The following SNAP23 variants were observed in gnomAD, a reference collection of about 807,000 sequenced individuals.
The protein encoded by SNAP23 is synaptosome associated protein 23, also known as synaptosomal-associated protein 23.
SNAP23 carries 11 observed loss-of-function variants against 29.0 expected under a neutral mutation model. The observed-to-expected ratio is 0.38, with a 90% CI of 0.24 to 0.63. The LOEUF is 0.63. SNAP23 is among the 20% of genes least tolerant of loss of function. The pLI, the probability that SNAP23 is intolerant of heterozygous loss-of-function variation, is 0.58. For missense variants in SNAP23, 220 were observed against 253.9 expected, an observed-to-expected ratio of 0.87 and a Z score of 0.91; for synonymous variants, 60 against 82.9, an observed-to-expected ratio of 0.72 and a Z score of 1.50.
chr15:42,515,289 A>C lies in SNAP23; in HGVS notation c.201A>C (p.Arg67Ser). Reference sequence around the variant, plus strand: ...TGGACCAAATAAATAAGGACATGAGAGAGACAGAGAAGACTTTAACAGAAC... The same window carrying C: ...TGGACCAAATAAATAAGGACATGAGCGAGACAGAGAAGACTTTAACAGAAC... ...EGLDQINKDMRETEKTLTELN... is the reference protein window; with the variant it reads ...EGLDQINKDMSETEKTLTELN... The change falls in exon 5 of 8, where the codon AGA (arginine) becomes AGC (serine). Residue 67 changes from arginine to serine, a missense_variant. Coordinates refer to ENST00000249647, the MANE Select transcript of SNAP23 (RefSeq NM_003825.4). The C allele has an allele frequency of 6.2e-7, 1 of 1,612,958 alleles. No homozygotes were observed. The highest frequency in any genetic ancestry group is 1.1e-5 in the South Asian group (1 of 90,908).
chr15:42,506,298 G>A (rs1235894853), intron 1 of SNAP23, among the ~76,000 whole-genome samples: 1 of 151,852 alleles, frequency 6.6e-6, no homozygotes, highest in Admixed American at 6.6e-5. Context: ...GGAGTGTAGT[G>A]GGGATCATGG....
At chr15:42,513,775 T>C (rs2057376497) in intron 4 of SNAP23, among the ~76,000 whole-genome samples, 1 of 151,464 alleles carries the variant, frequency 6.6e-6, no homozygotes, top group Non-Finnish European at 1.5e-5. Flanking sequence ...TATGTTTTTC[T>C]TTTTTTTTGG....
chr15:42,519,998 C>G (rs1272174836), intron 5 of SNAP23, among the ~76,000 whole-genome samples: 3 of 148,318 alleles, frequency 2.0e-5, no homozygotes. Flanking sequence ...CCAGGCTACA[C>G]TATGTAGTGG....
upstream of SNAP23, among the ~76,000 whole-genome samples, chr15:42,492,465 G>A (rs1482345045): frequency 6.6e-6 from 1 of 151,852 alleles, no homozygotes; most frequent in Non-Finnish European, 1.5e-5. Flanking sequence ...AGATCATGAG[G>A]TCCAGAGATC....
chr15:42,529,724 G>A lies in SNAP23; in HGVS notation c.475G>A (p.Val159Met). The A allele has an allele frequency of 6.2e-7, 1 of 1,614,128 alleles. No individual in the cohort carries two copies. Among genetic ancestry groups the A allele is most frequent in the East Asian group, 2.2e-5 (1 of 44,876 alleles). Residue 159 changes from valine to methionine, a missense_variant, in exon 7 of 8, where the codon GTG becomes ATG. Transcript: ENST00000249647. ...EDEMEENLTQVGSILGNLKDM... is the reference protein window; with the variant it reads ...EDEMEENLTQMGSILGNLKDM... ...TGAAATGGAAGAGAACCTGACTCAAGTGGGCAGTATCCTGGGAAATCTAAA... is the reference window on the plus strand; with the variant it reads ...TGAAATGGAAGAGAACCTGACTCAAATGGGCAGTATCCTGGGAAATCTAAA...
upstream of SNAP23, among the ~76,000 whole-genome samples, chr15:42,494,038 T>A (rs2057194915): frequency 2.0e-5 from 3 of 152,160 alleles, no homozygotes; most frequent in South Asian, 6.2e-4. Flanking sequence ...CTATCCCTTC[T>A]CTTCCTTTAT....
At chr15:42,500,419 A>T in intron 1 of SNAP23, among the ~76,000 whole-genome samples, 1 of 134,126 alleles carries the variant, frequency 7.5e-6, no homozygotes, top group Non-Finnish European at 1.6e-5. Context: ...ACAGAGTATT[A>T]CTCTTGTTGC....
At chr15:42,515,401 C>A in intron 5 of SNAP23, 47 bp downstream of exon 5, 1 of 1,040,444 alleles carries the variant, frequency 9.6e-7, no homozygotes, top group Non-Finnish European at 1.5e-6. Context: ...ATGAGAGTAC[C>A]CCACCTTCTC....
chr15:42,519,025 G>A (rs1205961543), intron 5 of SNAP23, among the ~76,000 whole-genome samples: 1 of 149,778 alleles, frequency 6.7e-6, no homozygotes, highest in Admixed American at 6.7e-5. Context: ...ACCATGCCTG[G>A]TTTGTTTTTA....
In SNAP23 at chr15:42,531,536, A is replaced by T; in HGVS notation, c.*58A>T. 7.4e-7 allele frequency: 1 copy of T among 1,357,250 alleles called. No homozygotes were observed. The highest frequency in any genetic ancestry group is 1.0e-6 in the Non-Finnish European group (1 of 970,042). 84.1% of individuals were successfully genotyped at this position (1,357,250 alleles called of 1,614,324 possible). On this transcript the variant is annotated 3_prime_UTR_variant, in exon 8 of 8. Coordinates refer to ENST00000249647, the MANE Select transcript of SNAP23 (RefSeq NM_003825.4). ...CTTCCGTAGCTCCTCCTTGAAAGTTATTACCTTTTCAGAGTTTAAGTTTTC... is the reference window on the plus strand; with the variant it reads ...CTTCCGTAGCTCCTCCTTGAAAGTTTTTACCTTTTCAGAGTTTAAGTTTTC...
In SNAP23 at chr15:42,531,954, A is replaced by G. The variant is rs989927787; in HGVS notation, c.*476A>G. ...ATAGCCACAACGAAGATCTAGTTGG[A>G]TATAGTTTTTGATTTAAGTTGCAGT... On this transcript the variant is annotated 3_prime_UTR_variant, in exon 8 of 8. Transcript: ENST00000249647. The G allele has an allele frequency of 6.6e-6, 1 of 152,434 alleles. No homozygotes were observed. The highest frequency in any genetic ancestry group is 1.5e-5 in the Non-Finnish European group (1 of 68,216). The allele number at this position is 152,434 out of a possible 1,614,324, so 9.4% of individuals were successfully genotyped here.
At chr15:42,520,731 TG>T (rs2057441875) in intron 5 of SNAP23, among the ~76,000 whole-genome samples, 1 of 152,154 alleles carries the variant, frequency 6.6e-6, no homozygotes, top group Non-Finnish European at 1.5e-5. Context: ...CCTGACCTCG[TG>T]ATCCGCCCGC....
chr15:42,502,775 AT>A (rs763094250), intron 1 of SNAP23, among the ~76,000 whole-genome samples: 3 of 152,092 alleles, frequency 2.0e-5, no homozygotes, highest in Non-Finnish European at 2.9e-5. Context: ...TCACATAACC[AT>A]TCTCATTGAT....
chr15:42,517,324 A>T (rs1276924534), intron 5 of SNAP23, among the ~76,000 whole-genome samples: 1 of 152,200 alleles, frequency 6.6e-6, no homozygotes, highest in Non-Finnish European at 1.5e-5. Context: ...ACTCTTAGCT[A>T]TGTTTTACAA....
chr15:42,507,629 T>G (rs566441227), intron 1 of SNAP23, among the ~76,000 whole-genome samples: 9 of 152,342 alleles, frequency 5.9e-5, no homozygotes, highest in African/African-American at 2.2e-4. Flanking sequence ...TGTAATATTC[T>G]GGGTAACCTT....
At chr15:42,527,105 T>G (rs2057511098) in intron 5 of SNAP23, among the ~76,000 whole-genome samples, 1 of 152,194 alleles carries the variant, frequency 6.6e-6, no homozygotes, top group Non-Finnish European at 1.5e-5. Context: ...CCCAAAGTGC[T>G]GGGATTACCG....
At chr15:42,528,134 TA>T in intron 5 of SNAP23, 127 bp from the exon 6 acceptor site, 3 of 610,176 alleles carry the variant, frequency 4.9e-6, no homozygotes, top group Non-Finnish European at 8.3e-6. Flanking sequence ...GTAGATCATC[TA>T]GACTTAGCTG....
upstream of SNAP23, among the ~76,000 whole-genome samples, chr15:42,492,446 G>A (rs1226472373): frequency 4.6e-5 from 7 of 151,888 alleles, no homozygotes; most frequent in East Asian, 1.2e-3. Flanking sequence ...TTGGGAGGAC[G>A]AGGTGGGCAG....
At chr15:42,526,561 A>G (rs2141553498) in intron 5 of SNAP23, among the ~76,000 whole-genome samples, 1 of 152,328 alleles carries the variant, frequency 6.6e-6, no homozygotes, top group Admixed American at 6.5e-5. Context: ...CTATTAAGGA[A>G]GAAGTCACTT....
Sources: allele counts gnomAD v4.1 joint callset (sites outside exome capture counted in the v4.1 genomes callset), GRCh38; gene constraint gnomAD v4.1.1; transcripts MANE v1.5; gene names NCBI Gene and HGNC (gene_info 2026-07-23, HGNC 2026-07-21).